The following FLNC variants were observed in gnomAD, a reference collection of about 807,000 sequenced individuals.
The protein encoded by FLNC is filamin C.
Under a neutral mutation model 254.3 loss-of-function variants are expected in FLNC, and 91 were observed. That is an observed-to-expected ratio of 0.36 (90% CI 0.30 to 0.43). The LOEUF (loss-of-function observed/expected upper bound fraction) is 0.43, where lower values mean the gene tolerates loss of function less well. FLNC is among the 20% of genes least tolerant of loss of function. The probability of loss-of-function intolerance (pLI) is 1.00; values close to 1 mark genes in which losing one functional copy is unlikely to be tolerated. For missense variants in FLNC, 2,853 were observed against 3,802.6 expected (o/e 0.75, Z 6.57); for synonymous variants, 1,430 against 1,577.2 (o/e 0.91, Z 2.21).
rs768326282 is a variant in FLNC, at chr7:128,830,955, CCT to C, written c.320_321del (p.Leu107ArgfsTer44). 6.2e-7 allele frequency: 1 copy of C among 1,610,762 alleles called. No homozygotes were observed. The highest frequency in any genetic ancestry group is 8.5e-7 in the Non-Finnish European group (1 of 1,179,958). On this transcript the variant is annotated frameshift_variant, in exon 1 of 48. Transcript: ENST00000325888. LOFTEE classifies it high-confidence loss of function. ...AGAACGTGTCCGTGGCCCTCGAGTT[CCT>C]CGAGCGCGAGCACATCAAGCTCGTG... ...LENVSVALEFLEREHIKLVSI... is the reference protein window; with the variant it reads ...LENVSVALEFXEREHIKLVSI...
At chr7:128,844,609 G>T in intron 20 of FLNC, 49 bp from the exon 21 acceptor site, 1 of 1,542,062 alleles carries the variant, frequency 6.5e-7, no homozygotes, top group South Asian at 1.1e-5. Flanking sequence ...ATGAAGGCTG[G>T]GATGAGGAGG....
rs767805959 is a variant in FLNC at position 128,846,454 on chromosome 7, T to C, written c.4118T>C (p.Val1373Ala). 1 of 1,601,986 alleles carries C rather than the reference T, an allele frequency of 6.2e-7. No individual in the cohort carries two copies. Among genetic ancestry groups the C allele is most frequent in the South Asian group, 1.1e-5 (1 of 91,086 alleles). ...GLVNKANRFT[V>A]ETRGAGTGGL... ...GTCAACAAGGCCAACCGATTCACTG[T>C]GGAGACCAGGTATCCTCCCCCTTTG... Residue 1373 changes from valine to alanine, a missense_variant, in exon 23 of 48, where the codon GTG becomes GCG. Transcript: ENST00000325888.
At chr7:128,852,272 G>A (rs544791577) in intron 35 of FLNC, among the ~76,000 whole-genome samples, 1 of 152,338 alleles carries the variant, frequency 6.6e-6, no homozygotes, top group African/African-American at 2.4e-5. Flanking sequence ...CGAGGAAGGG[G>A]TCTGGGCGGT....
In FLNC at chr7:128,849,186, A is replaced by G; in HGVS notation, c.4933A>G (p.Ile1645Val). 1.2e-6 allele frequency: 2 copies of G among 1,604,976 alleles called. No individual in the cohort carries two copies. Among genetic ancestry groups the G allele is most frequent in the Non-Finnish European group, 1.7e-6 (2 of 1,175,274 alleles). ...DASKCLVTVS[I>V]GGHGLGACLG... ...ACACTCTTCTCTCTTTCCAGTGTCCATTGGAGGCCATGGCCTGGGTGAGTG... is the reference window on the plus strand; with the variant it reads ...ACACTCTTCTCTCTTTCCAGTGTCCGTTGGAGGCCATGGCCTGGGTGAGTG... The change falls in exon 29 of 48, where the codon ATT (isoleucine) becomes GTT (valine). Residue 1645 changes from isoleucine to valine, a missense_variant. Physicochemically the swap from Ile to Val is conservative, Grantham distance 29. Around this residue, in one of 10 missense-constraint regions of FLNC, gnomAD observed 258 missense variants for 312.3 expected, o/e 0.83. Coordinates refer to ENST00000325888, the MANE Select transcript of FLNC (RefSeq NM_001458.5).
In FLNC at chr7:128,852,845, A is replaced by G. The variant is rs772621794; in HGVS notation, c.6022A>G (p.Lys2008Glu). 1.9e-6 allele frequency: 3 copies of G among 1,613,702 alleles called. No homozygotes were observed. The highest frequency in any genetic ancestry group is 1.7e-5 in the Admixed American group (1 of 59,992). ...NRHIGISFTP[K>E]EVGEHVVSVR... Reference sequence around the variant, plus strand: ...TTCCACAGGGATCTCCTTCACCCCCAAGGAGGTCGGGGAGCACGTGGTGAG... The same window carrying G: ...TTCCACAGGGATCTCCTTCACCCCCGAGGAGGTCGGGGAGCACGTGGTGAG... The change falls in exon 37 of 48, where the codon AAG becomes GAG. Residue 2008 changes from lysine to glutamate, a missense_variant. Transcript: ENST00000325888.
rs1316620862 is a variant in FLNC, at chr7:128,841,459, G to C, written c.2013G>C (p.Lys671Asn). Residue 671 changes from lysine (K) to asparagine (N), a missense_variant, in exon 13 of 48, where the codon AAG (lysine) becomes AAC (asparagine). By Grantham distance (94) the Lys-to-Asn change is moderately conservative (BLOSUM62 0). This residue lies in a region of FLNC where 1,573 missense variants were observed against 1,883.5 expected (regional missense o/e 0.84). Coordinates refer to ENST00000325888, the MANE Select transcript of FLNC (RefSeq NM_001458.5). The surrounding 1 kb of genome is among the most constrained non-coding windows in gnomAD (Gnocchi z 4.3). Reference sequence around the variant, plus strand: ...GCCTTCTTCCCTCCGCACAGGTGAAGGCCTTTGGGCCTGGCCTGGAGCCTA... The same window carrying C: ...GCCTTCTTCCCTCCGCACAGGTGAACGCCTTTGGGCCTGGCCTGGAGCCTA... ...APPDCFPDKV[K>N]AFGPGLEPTG... The C allele has an allele frequency of 6.2e-7, 1 of 1,614,058 alleles. No homozygotes were observed. Among genetic ancestry groups the C allele is most frequent in the East Asian group, 2.2e-5 (1 of 44,884 alleles).
Position 128,858,379 on chromosome 7 carries a change from C to T in FLNC, c.8034C>T (p.Pro2678=). Residue 2678 remains proline (P), a synonymous_variant, in exon 48 of 48, where the codon CCC becomes CCT. Coordinates refer to ENST00000325888, the MANE Select transcript of FLNC (RefSeq NM_001458.5). This position sits in a 1 kb window ranked among gnomAD's most constrained non-coding sequence, Gnocchi z 6.7. ...MMVGVHGPKT[P]CEEVYVKHMG... Reference sequence around the variant, plus strand: ...TGGGCGTGCACGGCCCCAAGACCCCCTGTGAGGAGGTGTACGTGAAGCACA... The same window carrying T: ...TGGGCGTGCACGGCCCCAAGACCCCTTGTGAGGAGGTGTACGTGAAGCACA... 6.3e-7 allele frequency: 1 copy of T among 1,586,530 alleles called. No homozygotes were observed. The highest frequency in any genetic ancestry group is 2.2e-5 in the East Asian group (1 of 44,706).
Position 128,840,167 on chromosome 7 carries a change from G to A in FLNC, c.1549+7G>A, listed in dbSNP as rs1808271287. On this transcript the variant is annotated splice_region_variant and intron_variant, in intron 9 of 47. Transcript: ENST00000325888. Reference sequence around the variant, plus strand: ...GTCACGGTCAAGGGGCCAAGTGAGTGCCAGAGCCCAGGGTCGTGAGGGTGG... The same window carrying A: ...GTCACGGTCAAGGGGCCAAGTGAGTACCAGAGCCCAGGGTCGTGAGGGTGG... 1.9e-5 allele frequency: 30 copies of A among 1,613,570 alleles called. No homozygotes were observed. The highest frequency in any genetic ancestry group is 2.5e-5 in the Non-Finnish European group (30 of 1,180,008).
In FLNC at chr7:128,843,271, C is replaced by T. The variant is rs1300071137; in HGVS notation, c.2593C>T (p.His865Tyr). 6.2e-7 allele frequency: 1 copy of T among 1,611,126 alleles called. No homozygotes were observed. The highest frequency in any genetic ancestry group is 1.7e-5 in the Admixed American group (1 of 59,598). The change falls in exon 17 of 48, where the codon CAC becomes TAC. Residue 865 changes from histidine to tyrosine, a missense_variant. Transcript: ENST00000325888. ...CTTCCACATCAAGGTGGACCCATCCCACGATGCCAGCAAAGTCAAGGCCGA... is the reference window on the plus strand; with the variant it reads ...CTTCCACATCAAGGTGGACCCATCCTACGATGCCAGCAAAGTCAAGGCCGA... ...SPFHIKVDPS[H>Y]DASKVKAEGP...
rs576361715 is a variant in FLNC at position 128,852,812 on chromosome 7, C to T, written c.6005-16C>T. ...GGGGCCCACAGGATGCTCTGCCTAA[C>T]ACCCACTTTCCACAGGGATCTCCTT... is the stretch of plus-strand genomic sequence containing the variant. On this transcript the variant is annotated splice_polypyrimidine_tract_variant and intron_variant, in intron 36 of 47. Coordinates refer to ENST00000325888, the MANE Select transcript of FLNC (RefSeq NM_001458.5). 4 of 1,613,790 alleles carry T rather than the reference C, an allele frequency of 2.5e-6. No individual in the cohort carries two copies. In the Admixed American group the frequency reaches 5.0e-5, roughly 20 times the overall value.
chr7:128,837,297 G>T (rs906826355), intron 3 of FLNC, 40 bp downstream of exon 3: 2 of 1,157,432 alleles, frequency 1.7e-6, no homozygotes, highest in South Asian at 1.2e-5. Context: ...GGGGGCAGGG[G>T]CAGAGGTTGG....
At chr7:128,843,199 G>C (rs765756268) in intron 16 of FLNC, 30 bp from the exon 17 acceptor site, 1 of 1,557,692 alleles carries the variant, frequency 6.4e-7, no homozygotes. Context: ...TTCCCCTCGA[G>C]AGCCCTGACT....
In FLNC at chr7:128,830,779, G is replaced by A. The variant is rs1258983653; in HGVS notation, c.142G>A (p.Glu48Lys). The A allele has an allele frequency of 1.2e-6, 2 of 1,613,038 alleles. No homozygotes were observed. Among genetic ancestry groups the A allele is most frequent in the African/African-American group, 2.7e-5 (2 of 74,930 alleles). ...GAACACATTCACGCGCTGGTGCAAT[G>A]AGCACCTCAAGTGCGTGGGCAAGCG... Reference protein sequence around the residue: ...QQNTFTRWCNEHLKCVGKRLT... With the variant: ...QQNTFTRWCNKHLKCVGKRLT... Residue 48 changes from glutamate (E) to lysine (K), a missense_variant, in exon 1 of 48, where the codon GAG becomes AAG. By Grantham distance (56) the Glu-to-Lys change is moderately conservative. Around this residue, in one of 10 missense-constraint regions of FLNC, gnomAD observed 13 missense variants for 37.8 expected, o/e 0.34. Transcript: ENST00000325888.
chr7:128,851,702 A>T, intron 35 of FLNC, 74 bp downstream of exon 35: 1 of 1,496,858 alleles, frequency 6.7e-7, no homozygotes. Flanking sequence ...GTGCAAGCCC[A>T]GCCCGTTCAA....
At position 128,843,563 on chromosome 7, in the gene FLNC, A is replaced by G; in HGVS notation, c.2797A>G (p.Thr933Ala). ...NHDYSYTVKYTAVQQGNMAVT... is the reference protein window; with the variant it reads ...NHDYSYTVKYAAVQQGNMAVT... ...TGACTACTCCTACACTGTCAAGTAC[A>G]CCGCTGTCCAGCAGGTGCGCTCTGC... Residue 933 changes from threonine (T) to alanine (A), a missense_variant, in exon 18 of 48, where the codon ACC (threonine) becomes GCC (alanine). Physicochemically the swap from Thr to Ala is moderately conservative, Grantham distance 58 (BLOSUM62 0). This residue lies in a region of FLNC where 1,573 missense variants were observed against 1,883.5 expected (regional missense o/e 0.84). Transcript: ENST00000325888. 6.2e-7 allele frequency: 1 copy of G among 1,613,690 alleles called. No homozygotes were observed. Among genetic ancestry groups the G allele is most frequent in the Non-Finnish European group, 8.5e-7 (1 of 1,180,000 alleles).
At chr7:128,849,109 CTCCCT>C in intron 28 of FLNC, 67 bp from the exon 29 acceptor site, 1 of 1,559,524 alleles carries the variant, frequency 6.4e-7, no homozygotes, top group Non-Finnish European at 8.8e-7. Context: ...TGGCCCCTCC[CTCCCT>C]CACCCCCGCC....
rs1346455948 is a variant in FLNC at position 128,841,601 on chromosome 7, A to G, written c.2121+34A>G. ...TTGTCCAGTCTCTGCTGCCCTTACT[A>G]CCCATGGCAGGGACCCTGGAAGGCA... On this transcript the variant is annotated intron_variant, in intron 13 of 47. Coordinates refer to ENST00000325888, the MANE Select transcript of FLNC (RefSeq NM_001458.5). The surrounding 1 kb of genome is among the most constrained non-coding windows in gnomAD (Gnocchi z 4.3). The G allele has an allele frequency of 3.3e-6, 5 of 1,526,986 alleles. No individual in the cohort carries two copies. Among genetic ancestry groups the G allele is most frequent in the Non-Finnish European group, 4.5e-6 (5 of 1,100,826 alleles). The allele number at this position is 1,526,986 out of a possible 1,614,324, so 94.6% of individuals were successfully genotyped here.
At position 128,852,973 on chromosome 7, in the gene FLNC, G is replaced by T; in HGVS notation, c.6150G>T (p.Gly2050=). 6.2e-7 allele frequency: 1 copy of T among 1,613,516 alleles called. No homozygotes were observed. The highest frequency in any genetic ancestry group is 1.1e-5 in the South Asian group (1 of 91,084). The part of the protein sequence containing the change: ...DASKVRVWGK[G]LSEGHTFQVA... ...GCAAGGTGCGGGTCTGGGGCAAGGG[G>T]CTTTCCGAGGGACACACATTCCAGG... The change falls in exon 37 of 48, where the codon GGG becomes GGT. Residue 2050 remains glycine, a synonymous_variant. Transcript: ENST00000325888.
rs771092335 is a variant in FLNC at position 128,843,295 on chromosome 7, G to A, written c.2617G>A (p.Glu873Lys). ...CCACGATGCCAGCAAAGTCAAGGCC[G>A]AGGGCCCTGGGCTGAATCGCACAGG... is the stretch of plus-strand genomic sequence containing the variant. ...PSHDASKVKA[E>K]GPGLNRTGVE... Residue 873 changes from glutamate to lysine, a missense_variant, in exon 17 of 48, where the codon GAG (glutamate) becomes AAG (lysine). By Grantham distance (56) the Glu-to-Lys change is moderately conservative. This residue lies in a region of FLNC where 1,573 missense variants were observed against 1,883.5 expected (regional missense o/e 0.84). Coordinates refer to ENST00000325888, the MANE Select transcript of FLNC (RefSeq NM_001458.5). 4.3e-6 allele frequency: 7 copies of A among 1,612,652 alleles called. No homozygotes were observed. The highest frequency in any genetic ancestry group is 5.9e-6 in the Non-Finnish European group (7 of 1,179,460).
Sources: gnomAD v4.1 joint callset for allele counts (sites outside exome capture counted in the v4.1 genomes callset) on GRCh38, gnomAD v4.1.1 for gene constraint, gnomAD v4.1.1 regional missense constraint, Gnocchi (gnomAD v3.1) non-coding constraint, MANE v1.5 for transcripts, NCBI Gene and HGNC (gene_info 2026-07-23, HGNC 2026-07-21) for gene names.